Variants in ELF2 observed in about 807,000 individuals in gnomAD.
ELF2 encodes the protein E74 like ETS transcription factor 2.
ELF2 carries 11 observed loss-of-function variants against 54.8 expected under a neutral mutation model. The observed-to-expected ratio is 0.20, with a 90% CI of 0.13 to 0.33. ELF2 has a LOEUF of 0.33. Among genes scored for constraint, ELF2 ranks in the 10% least tolerant of loss-of-function variants. The probability of loss-of-function intolerance (pLI) is 1.00; values close to 1 mark genes in which losing one functional copy is unlikely to be tolerated. For synonymous variants in ELF2, 203 were observed against 245.1 expected (o/e 0.83, Z 1.61); for missense variants, 513 against 703.0 (o/e 0.73, Z 3.06).
At chr4:139,089,943 CT>C (rs1732402844) in intron 4 of ELF2, among the ~76,000 whole-genome samples, 1 of 152,044 alleles carries the variant, frequency 6.6e-6, no homozygotes, top group South Asian at 2.1e-4. Context: ...TTGTCTTTTG[CT>C]TTTTGGTATG....
At chr4:139,156,551 C>T (rs1048881626) in intron 1 of ELF2, among the ~76,000 whole-genome samples, 2 of 150,696 alleles carry the variant, frequency 1.3e-5, no homozygotes, top group Non-Finnish European at 3.0e-5. Flanking sequence ...TAAATATTCA[C>T]GGCCTTGACA....
intron 4 of ELF2, chr4:139,084,095 T>G: frequency 6.2e-7 from 1 of 1,612,616 alleles, no homozygotes; most frequent in Non-Finnish European, 8.5e-7. Flanking sequence ...CCTCTCCTGC[T>G]GCACCGATGC....
At chr4:139,133,017 G>A (rs1386027132) in intron 3 of ELF2, among the ~76,000 whole-genome samples, 6 of 151,466 alleles carry the variant, frequency 4.0e-5, no homozygotes, top group African/African-American at 2.4e-5. Context: ...TCAGCCTCCC[G>A]GGTTCACTCC....
chr4:139,145,020 A>G (rs968831781), intron 1 of ELF2, among the ~76,000 whole-genome samples: 5 of 152,162 alleles, frequency 3.3e-5, no homozygotes, highest in Admixed American at 3.3e-4. Flanking sequence ...ATATCCCACC[A>G]CTTCAACCAC....
At chr4:139,113,755 T>C (rs2148813684) in intron 4 of ELF2, among the ~76,000 whole-genome samples, 2 of 151,616 alleles carry the variant, frequency 1.3e-5, no homozygotes, top group East Asian at 3.9e-4. Context: ...CTCAGGATGC[T>C]GAGGCAGGAG....
chr4:139,123,239 G>A (rs1256928780), intron 4 of ELF2, among the ~76,000 whole-genome samples: 1 of 151,552 alleles, frequency 6.6e-6, no homozygotes, highest in East Asian at 1.9e-4. Flanking sequence ...AATTTTTGAG[G>A]TGCTTTTATA....
chr4:139,083,156 G>A (rs1273886290), intron 4 of ELF2, among the ~76,000 whole-genome samples: 1 of 150,872 alleles, frequency 6.6e-6, no homozygotes, highest in Non-Finnish European at 1.5e-5. Context: ...TCCTTTCCGA[G>A]GCGCTTCCGC....
At chr4:139,087,272 A>G (rs1020532697) in intron 4 of ELF2, among the ~76,000 whole-genome samples, 1 of 152,068 alleles carries the variant, frequency 6.6e-6, no homozygotes, top group African/African-American at 2.4e-5. Context: ...CTAGTCATTA[A>G]TTAATTCAGT....
At chr4:139,173,374 CA>C (rs1390818452) in intron 1 of ELF2, among the ~76,000 whole-genome samples, 1 of 151,506 alleles carries the variant, frequency 6.6e-6, no homozygotes, top group Admixed American at 6.6e-5. Context: ...CATAATAGCC[CA>C]AAAAAATAGA....
chr4:139,064,258 A>G (rs1728339235), intron 7 of ELF2, among the ~76,000 whole-genome samples: 1 of 152,260 alleles, frequency 6.6e-6, no homozygotes, highest in South Asian at 2.1e-4. Flanking sequence ...CAGTGAGCAG[A>G]GATCACGCCA....
intron 1 of ELF2, among the ~76,000 whole-genome samples, chr4:139,142,292 A>T: frequency 6.6e-6 from 1 of 152,228 alleles, no homozygotes; most frequent in East Asian, 1.9e-4. Context: ...GCCTGGCACA[A>T]GAGCCTTCTA....
At chr4:139,089,932 T>C (rs1282923959) in intron 4 of ELF2, among the ~76,000 whole-genome samples, 1 of 152,148 alleles carries the variant, frequency 6.6e-6, no homozygotes, top group Non-Finnish European at 1.5e-5. Context: ...CATAAAGTAT[T>C]TTGTCTTTTG....
intron 3 of ELF2, among the ~76,000 whole-genome samples, chr4:139,132,587 A>AT (rs1360830977): frequency 6.6e-6 from 1 of 152,072 alleles, no homozygotes; most frequent in African/African-American, 2.4e-5. Flanking sequence ...TACTGCTGAT[A>AT]TTTATACATA....
rs2148656894 is a variant in ELF2, at chr4:139,059,363, C to T, written c.1402G>A (p.Ala468Thr). The T allele has an allele frequency of 1.2e-6, 2 of 1,613,972 alleles. 1 individual carries two copies. The highest frequency in any genetic ancestry group is 1.7e-6 in the Non-Finnish European group (2 of 1,179,850). ...GACTTTGTCTGCAGTTGACACTGTG[C>T]AAGCTGTGTAGCTGGGATGGTAATA... ...KIITIPATQL[A>T]QCQLQTKSNL... The change falls in exon 10 of 10, where the codon GCA becomes ACA. Residue 468 changes from alanine (A) to threonine (T), a missense_variant. Physicochemically the swap from Ala to Thr is moderately conservative, Grantham distance 58. Coordinates refer to ENST00000686138, the MANE Select transcript of ELF2 (RefSeq NM_001331036.3).
chr4:139,077,554 A>G (rs1011774615), intron 4 of ELF2, among the ~76,000 whole-genome samples: 2 of 152,184 alleles, frequency 1.3e-5, no homozygotes, highest in Non-Finnish European at 2.9e-5. Context: ...AACTTAACAC[A>G]TTTTGTAAAA....
Position 139,059,184 on chromosome 4 carries a change from A to T in ELF2, c.1581T>A (p.Ser527Arg). ...TAACCTCTGGCCCCTTTATGACTGCACTGATAACTCGAGGAGGAGTCTGGC... is the reference window on the plus strand; with the variant it reads ...TAACCTCTGGCCCCTTTATGACTGCTCTGATAACTCGAGGAGGAGTCTGGC... ...ASGQTPPRVI[S>R]AVIKGPEVKS... is the part of the protein sequence containing the mutation. Residue 527 changes from serine (S) to arginine (R), a missense_variant, in exon 10 of 10, where the codon AGT becomes AGA. Ser to Arg is a moderately radical substitution (Grantham distance 110). Transcript: ENST00000686138. 6.2e-7 allele frequency: 1 copy of T among 1,613,948 alleles called. No individual in the cohort carries two copies. The highest frequency in any genetic ancestry group is 8.5e-7 in the Non-Finnish European group (1 of 1,179,870).
intron 1 of ELF2, among the ~76,000 whole-genome samples, chr4:139,174,473 G>A (rs1487723): frequency 0.41 from 62,725 of 151,864 alleles, 13,475 homozygotes; most frequent in Middle Eastern, 0.51. Flanking sequence ...GGGCTCTTTT[G>A]GGGGATGATT....
intron 1 of ELF2, among the ~76,000 whole-genome samples, chr4:139,176,648 C>T: frequency 6.6e-6 from 1 of 152,128 alleles, no homozygotes; most frequent in East Asian, 1.9e-4. Context: ...TCGGCCCATC[C>T]CCCCCGCCGG....
At chr4:139,115,351 C>T in intron 4 of ELF2, 1 of 1,216,908 alleles carries the variant, frequency 8.2e-7, no homozygotes, top group Non-Finnish European at 1.0e-6. Flanking sequence ...ACGCCGCGCC[C>T]CCCGCGGTGC....
Sources: gnomAD v4.1 joint callset for allele counts (sites outside exome capture counted in the v4.1 genomes callset) on GRCh38, gnomAD v4.1.1 for gene constraint, MANE v1.5 for transcripts, NCBI Gene and HGNC (gene_info 2026-07-23, HGNC 2026-07-21) for gene names.